The following FAM149B1 variants were observed in gnomAD, a reference collection of about 807,000 sequenced individuals.
The protein encoded by FAM149B1 is family with sequence similarity 149 member B1, also known as primary cilium assembly protein FAM149B1.
A neutral mutation model predicts 75.3 loss-of-function variants in FAM149B1; 56 were observed. That is an observed-to-expected ratio of 0.74 (90% CI 0.60 to 0.93). The LOEUF is 0.93. Among genes scored for constraint, FAM149B1 ranks in the 40% least tolerant of loss-of-function variants. FAM149B1 has a pLI of 0.00. For synonymous variants in FAM149B1, 259 were observed against 256.1 expected, an observed-to-expected ratio of 1.01 and a Z score of -0.11; for missense variants, 639 against 708.4, an observed-to-expected ratio of 0.90 and a Z score of 1.11.
At position 73,243,917 on chromosome 10, in the gene FAM149B1, C is replaced by T. The variant is rs1247698783; in HGVS notation, c.*2898C>T. Reference sequence around the variant, plus strand: ...TTTCTGCTCATTTCTGCTTCTTTGGCCTCTTCCTGAGCCTGAAACAGGAAC... The same window carrying T: ...TTTCTGCTCATTTCTGCTTCTTTGGTCTCTTCCTGAGCCTGAAACAGGAAC... On this transcript the variant is annotated 3_prime_UTR_variant, in exon 14 of 14. Coordinates refer to ENST00000242505, the MANE Select transcript of FAM149B1 (RefSeq NM_173348.2). 3.1e-6 allele frequency: 5 copies of T among 1,614,060 alleles called. No homozygotes were observed. The highest frequency in any genetic ancestry group is 4.2e-6 in the Non-Finnish European group (5 of 1,179,980).
At chr10:73,206,905 A>G (rs926672652) in intron 5 of FAM149B1, among the ~76,000 whole-genome samples, 1 of 150,426 alleles carries the variant, frequency 6.6e-6, no homozygotes, top group Admixed American at 6.6e-5. Flanking sequence ...ATACAGCAAG[A>G]CTCTGTCTCA....
At chr10:73,192,789 T>C in intron 4 of FAM149B1, 91 bp downstream of exon 4, 1 of 1,197,446 alleles carries the variant, frequency 8.4e-7, no homozygotes, top group Non-Finnish European at 1.1e-6. Context: ...CTGAAATCTT[T>C]ATGAGCATGA....
At chr10:73,223,088 T>C (rs2043455059) in intron 7 of FAM149B1, among the ~76,000 whole-genome samples, 1 of 152,088 alleles carries the variant, frequency 6.6e-6, no homozygotes, top group African/African-American at 2.4e-5. Context: ...CTAATATACT[T>C]CAGCCTGGAT....
intron 7 of FAM149B1, among the ~76,000 whole-genome samples, chr10:73,214,740 AG>A (rs749130003): frequency 2.6e-5 from 4 of 152,168 alleles, no homozygotes; most frequent in Non-Finnish European, 5.9e-5. Context: ...TATGTTCATC[AG>A]GGATATTGGG....
At chr10:73,192,811 G>A (rs971093421) in intron 4 of FAM149B1, 113 bp downstream of exon 4, 39 of 1,011,464 alleles carry the variant, frequency 3.9e-5, no homozygotes, top group Admixed American at 3.5e-4. Flanking sequence ...TTTAATGAAT[G>A]TAAATAAGGC....
intron 3 of FAM149B1, among the ~76,000 whole-genome samples, chr10:73,191,370 CTT>C (rs1373022841): frequency 7.4e-4 from 83 of 112,026 alleles, no homozygotes; most frequent in African/African-American, 2.7e-3. Context: ...GAGTTTCATT[CTT>C]GTTGCCCAGG....
rs1843528313 is a variant in FAM149B1 at position 73,168,164 on chromosome 10, G to C, written c.-176G>C. ...GCAGGGAGGTCGGAGGACTGGAGAG[G>C]TGGGGACCCTGGGGAGGTGGCTGCT... On this transcript the variant is annotated 5_prime_UTR_variant, in exon 1 of 14. Transcript: ENST00000242505. 3.1e-6 allele frequency: 2 copies of C among 651,254 alleles called. No homozygotes were observed. The highest frequency in any genetic ancestry group is 1.9e-5 in the African/African-American group (1 of 51,658). 40.3% of individuals were successfully genotyped at this position (651,254 alleles called of 1,614,324 possible). A position where few individuals can be genotyped will look rare whatever the true frequency, so the allele number is the denominator to read the frequency against.
At chr10:73,175,228 A>G (rs1259877636) in intron 2 of FAM149B1, among the ~76,000 whole-genome samples, 1 of 152,128 alleles carries the variant, frequency 6.6e-6, no homozygotes, top group Non-Finnish European at 1.5e-5. Flanking sequence ...AACATAGCCA[A>G]GTGTGGGGAT....
chr10:73,209,611 G>C (rs2043144294), intron 6 of FAM149B1, among the ~76,000 whole-genome samples: 1 of 152,054 alleles, frequency 6.6e-6, no homozygotes, highest in African/African-American at 2.4e-5. Context: ...TTCTTTACTG[G>C]ATAGGTGAGA....
At chr10:73,190,151 A>T (rs1286682471) in intron 3 of FAM149B1, among the ~76,000 whole-genome samples, 1 of 152,216 alleles carries the variant, frequency 6.6e-6, no homozygotes, top group Non-Finnish European at 1.5e-5. Context: ...TAGTTAGGAG[A>T]CATGGAGGAT....
At chr10:73,189,210 C>T (rs555377032) in intron 3 of FAM149B1, among the ~76,000 whole-genome samples, 1 of 152,114 alleles carries the variant, frequency 6.6e-6, no homozygotes, top group African/African-American at 2.4e-5. Flanking sequence ...TCCACATTTA[C>T]AAAAATTGCT....
Position 73,243,979 on chromosome 10 carries a change from A to C in FAM149B1, c.*2960A>C, listed in dbSNP as rs2043980932. 1 of 1,460,124 alleles carries C rather than the reference A, an allele frequency of 6.8e-7. No individual in the cohort carries two copies. Among genetic ancestry groups the C allele is most frequent in the Non-Finnish European group, 9.5e-7 (1 of 1,052,924 alleles). 90.4% of individuals were successfully genotyped at this position (1,460,124 alleles called of 1,614,324 possible). A position where few individuals can be genotyped will look rare whatever the true frequency, so the allele number is the denominator to read the frequency against. Reference sequence around the variant, plus strand: ...TCAGGGCCACCAGGAAATGCTTAAAATACATACTCTTTCCCAAAAGCAAAT... The same window carrying C: ...TCAGGGCCACCAGGAAATGCTTAAACTACATACTCTTTCCCAAAAGCAAAT... On this transcript the variant is annotated 3_prime_UTR_variant, in exon 14 of 14. Coordinates refer to ENST00000242505, the MANE Select transcript of FAM149B1 (RefSeq NM_173348.2).
chr10:73,181,568 T>A (rs553684183), intron 3 of FAM149B1, among the ~76,000 whole-genome samples: 1 of 152,296 alleles, frequency 6.6e-6, no homozygotes, highest in African/African-American at 2.4e-5. Context: ...AAAATTCCTC[T>A]TGTTATTAAT....
At chr10:73,195,303 G>A (rs2042777100) in intron 5 of FAM149B1, among the ~76,000 whole-genome samples, 1 of 152,046 alleles carries the variant, frequency 6.6e-6, no homozygotes, top group African/African-American at 2.4e-5. Flanking sequence ...CTGATTTTTG[G>A]TCAGATAATG....
At chr10:73,176,843 A>G (rs1843987394) in intron 2 of FAM149B1, among the ~76,000 whole-genome samples, 1 of 152,180 alleles carries the variant, frequency 6.6e-6, no homozygotes, top group African/African-American at 2.4e-5. Flanking sequence ...CCTGGCCAAC[A>G]TGGCAAAACC....
At chr10:73,226,657 ATTG>A (rs2043557720) in intron 7 of FAM149B1, among the ~76,000 whole-genome samples, 1 of 152,236 alleles carries the variant, frequency 6.6e-6, no homozygotes, top group South Asian at 2.1e-4. Flanking sequence ...ATTTCATAGT[ATTG>A]TTTAAGAAAT....
At position 73,242,444 on chromosome 10, in the gene FAM149B1, A is replaced by AT. The variant is rs1190562870; in HGVS notation, c.*1428dup. The AT allele has an allele frequency of 6.6e-6, 1 of 152,190 alleles. No homozygotes were observed. Among genetic ancestry groups the AT allele is most frequent in the Non-Finnish European group, 1.5e-5 (1 of 68,028 alleles). The allele number at this position is 152,190 out of a possible 1,614,324, so 9.4% of individuals were successfully genotyped here. ...ATCAGAAAGGGGCCTGTAAGAAGTCATTTAGCCCAATTCCCTCACCCTGTG... is the reference window on the plus strand; with the variant it reads ...ATCAGAAAGGGGCCTGTAAGAAGTCATTTTAGCCCAATTCCCTCACCCTGTG... On this transcript the variant is annotated 3_prime_UTR_variant, in exon 14 of 14. Coordinates refer to ENST00000242505, the MANE Select transcript of FAM149B1 (RefSeq NM_173348.2).
chr10:73,208,237 C>G (rs1296291215), intron 5 of FAM149B1, among the ~76,000 whole-genome samples: 2 of 152,226 alleles, frequency 1.3e-5, no homozygotes, highest in Non-Finnish European at 2.9e-5. Context: ...CTTTGTAAGT[C>G]CTCTGCAGAA....
rs1318685456 is a variant in FAM149B1 at position 73,241,448 on chromosome 10, TC to T, written c.*430del. 4.3e-5 allele frequency: 8 copies of T among 184,814 alleles called. No homozygotes were observed. In the South Asian group the frequency reaches 8.6e-4, roughly 20 times the overall value. 11.4% of individuals were successfully genotyped at this position (184,814 alleles called of 1,614,324 possible). A position where few individuals can be genotyped will look rare whatever the true frequency, so the allele number is the denominator to read the frequency against. On this transcript the variant is annotated 3_prime_UTR_variant, in exon 14 of 14. Coordinates refer to ENST00000242505, the MANE Select transcript of FAM149B1 (RefSeq NM_173348.2). ...TGTGTTCATTTCTGGAGAGTTGTAC[TC>T]AGTTTTAAGTCATTTTGCTGTTGAA...
Sources: gnomAD v4.1 joint callset for allele counts (sites outside exome capture counted in the v4.1 genomes callset) on GRCh38, gnomAD v4.1.1 for gene constraint, MANE v1.5 for transcripts, NCBI Gene and HGNC (gene_info 2026-07-23, HGNC 2026-07-21) for gene names.